Variants in GPC5 observed in about 807,000 individuals in gnomAD.
GPC5 encodes glypican 5, also known as glypican-5.
Under a neutral mutation model 53.9 loss-of-function variants are expected in GPC5, and 47 were observed. The observed-to-expected ratio is 0.87, with a 90% CI of 0.69 to 1.11. GPC5 has a LOEUF of 1.11. Ranked by LOEUF, GPC5 falls within the 50% of genes most tolerant of loss-of-function variation. GPC5 has a pLI of 0.00. For synonymous variants in GPC5, 286 were observed against 263.3 expected, an observed-to-expected ratio of 1.09 and a Z score of -0.84; for missense variants, 748 against 713.1, an observed-to-expected ratio of 1.05 and a Z score of -0.56.
At chr13:92,727,554 G>A (rs371148499) in intron 7 of GPC5, among the ~76,000 whole-genome samples, 8 of 151,312 alleles carry the variant, frequency 5.3e-5, no homozygotes, top group African/African-American at 1.2e-4. Context: ...TCACAAGCTC[G>A]ATAATAATAT....
rs2035811117 is a variant in GPC5, at chr13:91,693,624, A to T, written c.763A>T (p.Met255Leu). The T allele has an allele frequency of 6.2e-7, 1 of 1,614,154 alleles. No homozygotes were observed. Among genetic ancestry groups the T allele is most frequent in the Non-Finnish European group, 8.5e-7 (1 of 1,180,024 alleles). The stretch of plus-strand genomic sequence containing the variant: ...AGAGTGCAGCAGAGCCCTCCTGAAG[A>T]TGCAATACTGCCCGCACTGCCAAGG... ...SKECSRALLK[M>L]QYCPHCQGLA... is the part of the protein sequence containing the mutation. The change falls in exon 3 of 8, where the codon ATG (methionine) becomes TTG (leucine). Residue 255 changes from methionine (M) to leucine (L), a missense_variant. Transcript: ENST00000377067.
At chr13:92,394,247 T>C (rs1447153103) in intron 7 of GPC5, among the ~76,000 whole-genome samples, 1 of 152,190 alleles carries the variant, frequency 6.6e-6, no homozygotes, top group African/African-American at 2.4e-5. Flanking sequence ...AATTGTTCAT[T>C]TGTTTTTCAT....
chr13:91,537,312 A>G (rs1163678485), intron 2 of GPC5, among the ~76,000 whole-genome samples: 1 of 152,190 alleles, frequency 6.6e-6, no homozygotes, highest in Non-Finnish European at 1.5e-5. Context: ...AAGAAAAAAA[A>G]GAAAGCTCAA....
At chr13:92,128,791 C>T (rs2041720555) in intron 6 of GPC5, among the ~76,000 whole-genome samples, 1 of 152,008 alleles carries the variant, frequency 6.6e-6, no homozygotes, top group African/African-American at 2.4e-5. Context: ...GGTGAAACCC[C>T]ATCTCTACTA....
chr13:92,670,834 A>G (rs1222065612), intron 7 of GPC5, among the ~76,000 whole-genome samples: 1 of 152,218 alleles, frequency 6.6e-6, no homozygotes, highest in African/African-American at 2.4e-5. Flanking sequence ...TTAAGGCCAC[A>G]TACATAAACA....
chr13:91,638,199 C>G (rs758702266), intron 2 of GPC5, among the ~76,000 whole-genome samples: 1 of 152,250 alleles, frequency 6.6e-6, no homozygotes, highest in South Asian at 2.1e-4. Flanking sequence ...CTTCTGGCTC[C>G]TGGTATTTCG....
At chr13:91,991,302 T>C (rs944421239) in intron 6 of GPC5, among the ~76,000 whole-genome samples, 13 of 152,270 alleles carry the variant, frequency 8.5e-5, no homozygotes, top group African/African-American at 2.7e-4. Flanking sequence ...TCGATGACTC[T>C]GTCTTGCAAG....
chr13:92,057,542 C>G (rs1013125725), intron 6 of GPC5, among the ~76,000 whole-genome samples: 1 of 151,676 alleles, frequency 6.6e-6, no homozygotes, highest in Non-Finnish European at 1.5e-5. Flanking sequence ...TGCTCCAAGC[C>G]TCTTGCTTTT....
At chr13:92,081,493 T>C (rs1308439612) in intron 6 of GPC5, among the ~76,000 whole-genome samples, 1 of 152,128 alleles carries the variant, frequency 6.6e-6, no homozygotes, top group Non-Finnish European at 1.5e-5. Flanking sequence ...AAGAGGCAAT[T>C]AGGAAGATCA....
At chr13:92,356,914 A>T (rs1438146402) in intron 7 of GPC5, among the ~76,000 whole-genome samples, 2 of 152,118 alleles carry the variant, frequency 1.3e-5, no homozygotes, top group Non-Finnish European at 2.9e-5. Context: ...ATGGTCTGTT[A>T]TGTCCATGTA....
intron 7 of GPC5, among the ~76,000 whole-genome samples, chr13:92,150,229 T>C (rs2041897784): frequency 6.6e-6 from 1 of 152,014 alleles, no homozygotes; most frequent in African/African-American, 2.4e-5. Context: ...CACTTTGATC[T>C]ACACTTTACA....
intron 7 of GPC5, among the ~76,000 whole-genome samples, chr13:92,295,191 G>C (rs966005390): frequency 1.3e-5 from 2 of 152,024 alleles, no homozygotes; most frequent in Non-Finnish European, 2.9e-5. Context: ...CCTTTGCTGT[G>C]TCCCAGAGGT....
chr13:91,659,406 G>T (rs1421060593), intron 2 of GPC5, among the ~76,000 whole-genome samples: 2 of 152,148 alleles, frequency 1.3e-5, no homozygotes, highest in Non-Finnish European at 2.9e-5. Context: ...GTTCTTGGAA[G>T]CTGGGAGCAG....
intron 2 of GPC5, among the ~76,000 whole-genome samples, chr13:91,471,733 GTCTCTTCCTCTTT>G: frequency 6.6e-6 from 1 of 151,936 alleles, no homozygotes; most frequent in South Asian, 2.1e-4. Flanking sequence ...TTCTTCCTAG[GTCTCTTCCTCTTT>G]TCTCTTCCTA....
chr13:91,637,333 A>C (rs962369491), intron 2 of GPC5, among the ~76,000 whole-genome samples: 1 of 152,202 alleles, frequency 6.6e-6, no homozygotes, highest in African/African-American at 2.4e-5. Context: ...TCTTCCCCTA[A>C]AAGAGTGAGG....
rs1356511618 is a variant in GPC5, at chr13:92,520,879, TC to T, written c.1562-345399del. Among the ~76,000 whole-genome samples the T allele has an allele frequency of 3.3e-5, 5 of 151,978 alleles. No individual in the cohort carries two copies. The East Asian group carries it at 9.7e-4, about 29-fold the overall frequency. Reference sequence around the variant, plus strand: ...GATGACATGATTGTGTAGTTAGAAATCCCCATCATCTCAACCCAAAATCTCC... The same window carrying T: ...GATGACATGATTGTGTAGTTAGAAATCCCATCATCTCAACCCAAAATCTCC... On this transcript the variant is annotated intron_variant, in intron 7 of 7. Transcript: ENST00000377067.
At chr13:91,839,737 A>G (rs931815476) in intron 5 of GPC5, among the ~76,000 whole-genome samples, 2 of 152,070 alleles carry the variant, frequency 1.3e-5, no homozygotes, top group Admixed American at 1.3e-4. Flanking sequence ...AGCTTTAGAA[A>G]TGTGAGAAGA....
chr13:92,669,845 T>A (rs1886688871), intron 7 of GPC5, among the ~76,000 whole-genome samples: 1 of 152,116 alleles, frequency 6.6e-6, no homozygotes, highest in African/African-American at 2.4e-5. Flanking sequence ...CCACCCCATG[T>A]CCCTTCATAG....
chr13:92,757,837 T>G (rs1874962077), intron 7 of GPC5, among the ~76,000 whole-genome samples: 1 of 151,898 alleles, frequency 6.6e-6, no homozygotes, highest in Non-Finnish European at 1.5e-5. Flanking sequence ...AAACAACAGG[T>G]GCTGGAGAGG....
Sources: allele counts gnomAD v4.1 joint callset (sites outside exome capture counted in the v4.1 genomes callset), GRCh38; gene constraint gnomAD v4.1.1; transcripts MANE v1.5; gene names NCBI Gene and HGNC (gene_info 2026-07-23, HGNC 2026-07-21).